The following MICA variants were observed in gnomAD, a reference collection of about 807,000 sequenced individuals.
The protein encoded by MICA is MHC class I polypeptide-related sequence A.
Under a neutral mutation model 34.3 loss-of-function variants are expected in MICA, and 18 were observed. That is an observed-to-expected ratio of 0.52 (90% CI 0.36 to 0.78). The LOEUF is 0.78. Among genes scored for constraint, MICA ranks in the 30% least tolerant of loss-of-function variants. The probability of loss-of-function intolerance (pLI) is 0.00; values close to 1 mark genes in which losing one functional copy is unlikely to be tolerated. For missense variants in MICA, 333 were observed against 409.4 expected (o/e 0.81, Z 1.61); for synonymous variants, 135 against 156.9 (o/e 0.86, Z 1.04).
At chr6:31,410,895 A>G (rs17206631) in intron 2 of MICA, 98 bp downstream of exon 2, 3 of 1,481,884 alleles carry the variant, frequency 2.0e-6, no homozygotes, top group Non-Finnish European at 2.7e-6. Context: ...GATCTGGCTC[A>G]GGCTGGGGGT....
upstream of MICA, among the ~76,000 whole-genome samples, chr6:31,401,485 G>C (rs915538868): frequency 1.3e-5 from 2 of 151,566 alleles, no homozygotes; most frequent in African/African-American, 4.9e-5. Context: ...GATCTTGGAG[G>C]GTTCATAGGG....
intron 1 of MICA, among the ~76,000 whole-genome samples, chr6:31,408,483 T>G (rs1267097420): frequency 6.6e-6 from 1 of 151,990 alleles, no homozygotes; most frequent in African/African-American, 2.4e-5. Context: ...TTTTACTGTT[T>G]TAACCACTTT....
chr6:31,412,722 C>G (rs1315758876), intron 5 of MICA, among the ~76,000 whole-genome samples: 1 of 151,956 alleles, frequency 6.6e-6, no homozygotes, highest in East Asian at 1.9e-4. Flanking sequence ...GGCGCCTGCT[C>G]TGTCCCCATC....
In MICA at chr6:31,403,800, G is replaced by C. The variant is rs17206455; in HGVS notation, c.70+98G>C. On this transcript the variant is annotated intron_variant, in intron 1 of 5. Coordinates refer to ENST00000449934, the MANE Select transcript of MICA (RefSeq NM_001177519.3). This position sits in a 1 kb window ranked among gnomAD's most constrained non-coding sequence, Gnocchi z 4.7. ...GCGAGCGCTGTGCGGTCAGGGCGGG[G>C]CTCCTGTGCCCTGTCGGTGGCGCAG... The C allele has an allele frequency of 0.032, 38,107 of 1,175,580 alleles. 1,174 individuals carry two copies. Among genetic ancestry groups the C allele is most frequent in the Middle Eastern group, 0.05 (180 of 3,592 alleles). The allele number at this position is 1,175,580 out of a possible 1,614,324, so 72.8% of individuals were successfully genotyped here. A position where few individuals can be genotyped will look rare whatever the true frequency, so the allele number is the denominator to read the frequency against.
chr6:31,409,865 A>G (rs9266804), intron 1 of MICA, among the ~76,000 whole-genome samples: 14,951 of 151,810 alleles, frequency 0.098, 877 homozygotes, highest in Middle Eastern at 0.13. Flanking sequence ...GAAAAGATCA[A>G]CTGACTCTTT....
At position 31,411,860 on chromosome 6, in the gene MICA, G is replaced by A; in HGVS notation, c.614-87G>A. On this transcript the variant is annotated intron_variant, in intron 3 of 5. Transcript: ENST00000449934. This position sits in a 1 kb window ranked among gnomAD's most constrained non-coding sequence, Gnocchi z 4.3. ...GGGGTCCCGGAGGGCTTCAGCCAGA[G>A]TGAGAACAGTGAAGAGAAACAGCCC... 1 of 1,520,736 alleles carries A rather than the reference G, an allele frequency of 6.6e-7. No homozygotes were observed. 94.2% of individuals were successfully genotyped at this position (1,520,736 alleles called of 1,614,324 possible). A position where few individuals can be genotyped will look rare whatever the true frequency, so the allele number is the denominator to read the frequency against.
At chr6:31,407,243 T>C (rs1770797547) in intron 1 of MICA, among the ~76,000 whole-genome samples, 1 of 151,874 alleles carries the variant, frequency 6.6e-6, no homozygotes, top group African/African-American at 2.4e-5. Context: ...TGTTTTTTGT[T>C]TTTGGTTTTT....
chr6:31,410,730 C>T lies in MICA; in HGVS notation c.258C>T (p.Thr86=). ...GAAATAAGACATGGGACAGAGAGAC[C>T]AGGGACTTGACAGGGAACGGAAAGG... is the stretch of plus-strand genomic sequence containing the variant. ...VLGNKTWDRE[T]RDLTGNGKDL... Residue 86 remains threonine (T), a synonymous_variant, in exon 2 of 6, where the codon ACC becomes ACT. Coordinates refer to ENST00000449934, the MANE Select transcript of MICA (RefSeq NM_001177519.3). The T allele has an allele frequency of 6.2e-7, 1 of 1,606,688 alleles. No individual in the cohort carries two copies. The highest frequency in any genetic ancestry group is 2.2e-5 in the East Asian group (1 of 44,508).
chr6:31,412,684 G>A (rs1240341949), intron 5 of MICA, among the ~76,000 whole-genome samples: 1 of 151,926 alleles, frequency 6.6e-6, no homozygotes, highest in African/African-American at 2.4e-5. Flanking sequence ...CCTGCTGCAG[G>A]TGAGGAGTGG....
chr6:31,403,587 C>A, upstream of MICA: 1 of 1,440,522 alleles, frequency 6.9e-7, no homozygotes, highest in Non-Finnish European at 9.1e-7. The surrounding 1 kb of genome is among the most constrained non-coding windows in gnomAD (Gnocchi z 4.7). Flanking sequence ...GGCGCCTTCT[C>A]CCCGGCCACT....
At chr6:31,404,905 C>G (rs894919684) in intron 1 of MICA, among the ~76,000 whole-genome samples, 6 of 151,610 alleles carry the variant, frequency 4.0e-5, no homozygotes, top group Non-Finnish European at 8.8e-5. Flanking sequence ...CCTGGTCCCT[C>G]CGCCCCTCTC....
chr6:31,402,904 C>T (rs1770517011), upstream of MICA, among the ~76,000 whole-genome samples: 1 of 151,570 alleles, frequency 6.6e-6, no homozygotes, highest in South Asian at 2.1e-4. Flanking sequence ...TGTGATCACC[C>T]AGGGACTGAA....
chr6:31,409,944 C>G (rs1005546896), intron 1 of MICA, among the ~76,000 whole-genome samples: 10 of 144,760 alleles, frequency 6.9e-5, no homozygotes, highest in Non-Finnish European at 1.3e-4. Context: ...TGTCATGCTA[C>G]TCTTCCACTT....
intron 5 of MICA, among the ~76,000 whole-genome samples, chr6:31,412,933 C>G (rs6933621): frequency 2.0e-5 from 3 of 150,212 alleles, no homozygotes; most frequent in Non-Finnish European, 4.4e-5. Context: ...TCTGCATCCC[C>G]CTCCCCTGTT....
Position 31,411,214 on chromosome 6 carries a change from C to T in MICA, c.468C>T (p.Ser156=), listed in dbSNP as rs1377647529. ...ETEEWTVPQS[S]RAQTLAMNVR... ...AGGAATGGACAGTGCCCCAGTCCTC[C>T]AGAGCTCAGACCTTGGCCATGAACG... Residue 156 remains serine (S), a synonymous_variant, in exon 3 of 6, where the codon TCC becomes TCT. Transcript: ENST00000449934. This position sits in a 1 kb window ranked among gnomAD's most constrained non-coding sequence, Gnocchi z 4.3. The T allele has an allele frequency of 6.2e-7, 1 of 1,613,370 alleles. No homozygotes were observed.
intron 1 of MICA, among the ~76,000 whole-genome samples, chr6:31,410,080 C>T (rs1288114991): frequency 6.6e-6 from 1 of 151,686 alleles, no homozygotes; most frequent in Admixed American, 6.6e-5. Context: ...CCCCGCCATG[C>T]CCATGATGAG....
In MICA at chr6:31,415,042, AC is replaced by A. The variant is rs775751191; in HGVS notation, c.*63del. ...GTGAGCCTGCAGGTCCTGGATCAAC[AC>A]CCAGTTGGGACGAGTGACCACAGGG... is the stretch of plus-strand genomic sequence containing the variant. On this transcript the variant is annotated 3_prime_UTR_variant, in exon 6 of 6. Transcript: ENST00000449934. The A allele has an allele frequency of 6.8e-7, 1 of 1,464,028 alleles. No homozygotes were observed. The highest frequency in any genetic ancestry group is 2.4e-5 in the East Asian group (1 of 42,114). 90.7% of individuals were successfully genotyped at this position (1,464,028 alleles called of 1,614,324 possible).
intron 5 of MICA, 100 bp from the exon 6 acceptor site, chr6:31,414,912 C>G: frequency 1.0e-6 from 1 of 988,148 alleles, no homozygotes; most frequent in Admixed American, 2.2e-5. Context: ...AGAGAAAGGG[C>G]AAATCTGGTT....
At chr6:31,407,387 C>T (rs1238384002) in intron 1 of MICA, among the ~76,000 whole-genome samples, 2 of 151,858 alleles carry the variant, frequency 1.3e-5, no homozygotes, top group Non-Finnish European at 2.9e-5. Flanking sequence ...CAGGCATGTG[C>T]CACTGTGCCT....
Sources: allele counts gnomAD v4.1 joint callset (sites outside exome capture counted in the v4.1 genomes callset), GRCh38; gene constraint gnomAD v4.1.1; non-coding constraint Gnocchi (gnomAD v3.1); transcripts MANE v1.5; gene names NCBI Gene and HGNC (gene_info 2026-07-23, HGNC 2026-07-21).